GRK5: variants seen among roughly 807,000 people sequenced by gnomAD.
GRK5 encodes the protein g protein-coupled receptor kinase GRK5.
GRK5 carries 40 observed loss-of-function variants against 78.4 expected under a neutral mutation model. The ratio of observed to expected loss-of-function variants is 0.51; its 90% CI spans 0.40 to 0.66. GRK5 has a LOEUF of 0.66. GRK5 is among the 30% of genes least tolerant of loss of function. The pLI, the probability that GRK5 is intolerant of heterozygous loss-of-function variation, is 0.00. For synonymous variants in GRK5, 289 were observed against 296.8 expected (o/e 0.97, Z 0.27); for missense variants, 598 against 759.9 (o/e 0.79, Z 2.50).
chr10:119,443,421 T>G, intron 11 of GRK5, 123 bp from the exon 12 acceptor site: 1 of 773,288 alleles, frequency 1.3e-6, no homozygotes, highest in Non-Finnish European at 2.0e-6. Flanking sequence ...CTGGAGGGGG[T>G]GGTATTCACA....
At chr10:119,227,582 A>G (rs995666635) in intron 1 of GRK5, among the ~76,000 whole-genome samples, 5 of 152,118 alleles carry the variant, frequency 3.3e-5, no homozygotes, top group Non-Finnish European at 5.9e-5. Flanking sequence ...AACAACAACA[A>G]CAGCAGCAAC....
intron 3 of GRK5, among the ~76,000 whole-genome samples, chr10:119,383,061 A>G (rs1190266349): frequency 6.6e-6 from 1 of 151,970 alleles, no homozygotes; most frequent in African/African-American, 2.4e-5. Flanking sequence ...AGCTGGGCCT[A>G]CAGGCGCCCG....
chr10:119,407,145 C>T lies in GRK5; in HGVS notation c.339+10373C>T, dbSNP rs149967398. ...CTGGACTTCTCTTTTTCCTCCCTTC[C>T]GCTTCCCCTTCCCCTTCCCCAGGCT... On this transcript the variant is annotated intron_variant, in intron 4 of 15. Coordinates refer to ENST00000392870, the MANE Select transcript of GRK5 (RefSeq NM_005308.3). 2.0e-4 allele frequency among the ~76,000 whole-genome samples: 31 copies of T among 152,276 alleles called. No individual in the cohort carries two copies. The East Asian group carries it at 3.5e-3, about 17-fold the overall frequency.
At chr10:119,334,457 T>G (rs1850840714) in intron 2 of GRK5, 1 of 152,598 alleles carries the variant, frequency 6.6e-6, no homozygotes, top group African/African-American at 2.4e-5. Flanking sequence ...GTCTGCTCAG[T>G]GAAACATCAA....
At position 119,440,526 on chromosome 10, in the gene GRK5, C is replaced by T. The variant is rs560976176; in HGVS notation, c.967+758C>T. Among the ~76,000 whole-genome samples the T allele has an allele frequency of 1.5e-3, 229 of 150,614 alleles. 1 individual carries two copies. The highest frequency in any genetic ancestry group is 5.0e-3 in the African/African-American group (204 of 41,016). ...CCAAGTAGCTGGGATTACAGGTGCA[C>T]GCCACCACACCTGGCTAGTTTTTGT... On this transcript the variant is annotated intron_variant, in intron 10 of 15. Coordinates refer to ENST00000392870, the MANE Select transcript of GRK5 (RefSeq NM_005308.3).
chr10:119,396,748 T>C lies in GRK5; in HGVS notation c.315T>C (p.Ile105=). 2.5e-6 allele frequency: 4 copies of C among 1,613,660 alleles called. No homozygotes were observed. Among genetic ancestry groups the C allele is most frequent in the Non-Finnish European group, 3.4e-6 (4 of 1,179,548 alleles). ...DEKLGEKGKE[I]MTKYLTPKSP... ...AACTGGGAGAGAAAGGGAAGGAAAT[T>C]ATGACCAAGTACCTCACCCCAAAGG... Residue 105 remains isoleucine, a synonymous_variant, in exon 4 of 16, where the codon ATT becomes ATC. Transcript: ENST00000392870.
chr10:119,273,592 G>T (rs1482264007), intron 1 of GRK5, among the ~76,000 whole-genome samples: 1 of 152,306 alleles, frequency 6.6e-6, no homozygotes, highest in East Asian at 1.9e-4. Context: ...TGGATGGGCC[G>T]CGGCTTTGAC....
At chr10:119,252,428 G>T (rs1849219146) in intron 1 of GRK5, among the ~76,000 whole-genome samples, 1 of 152,194 alleles carries the variant, frequency 6.6e-6, no homozygotes, top group South Asian at 2.1e-4. Context: ...TAGGGGAGAA[G>T]TGTCTCTCTC....
At chr10:119,314,516 G>A (rs1850450041) in intron 1 of GRK5, among the ~76,000 whole-genome samples, 1 of 152,152 alleles carries the variant, frequency 6.6e-6, no homozygotes, top group African/African-American at 2.4e-5. Flanking sequence ...TCCCTCTCTT[G>A]CCTGCCACCT....
chr10:119,412,109 C>G lies in GRK5; in HGVS notation c.340-11057C>G, dbSNP rs1211853102. 6.6e-6 allele frequency among the ~76,000 whole-genome samples: 1 copy of G among 152,134 alleles called. No homozygotes were observed. The highest frequency in any genetic ancestry group is 1.5e-5 in the Non-Finnish European group (1 of 68,008). ...CAGGTGATCCACCTCCCTCGGCCTC[C>G]CAAAGTGCTGGGATTCCAGGCGTGA... On this transcript the variant is annotated intron_variant, in intron 4 of 15. Coordinates refer to ENST00000392870, the MANE Select transcript of GRK5 (RefSeq NM_005308.3). This position sits in a 1 kb window ranked among gnomAD's most constrained non-coding sequence, Gnocchi z 4.3.
intron 4 of GRK5, among the ~76,000 whole-genome samples, chr10:119,421,712 C>T (rs1351395869): frequency 6.6e-6 from 1 of 152,224 alleles, no homozygotes; most frequent in Non-Finnish European, 1.5e-5. Context: ...TTTACTGTCA[C>T]AGCAGCTCGC....
intron 1 of GRK5, among the ~76,000 whole-genome samples, chr10:119,276,879 T>C (rs915285616): frequency 7.9e-5 from 12 of 152,242 alleles, no homozygotes; most frequent in Non-Finnish European, 1.8e-4. Flanking sequence ...TCTAGGGCTC[T>C]TGTGTGAAAG....
chr10:119,396,856 A>G (rs2133854408), intron 4 of GRK5, 84 bp downstream of exon 4: 1 of 1,024,656 alleles, frequency 9.8e-7, no homozygotes, highest in Non-Finnish European at 1.5e-6. Context: ...GCCAGGCCAC[A>G]TGGGGAGCTG....
At chr10:119,246,012 T>A (rs1307923918) in intron 1 of GRK5, among the ~76,000 whole-genome samples, 1 of 91,234 alleles carries the variant, frequency 1.1e-5, no homozygotes, top group Non-Finnish European at 1.9e-5. Context: ...AGAGCGAGAC[T>A]CCATCTCAAA....
At chr10:119,374,459 CA>C (rs370376911) in intron 2 of GRK5, among the ~76,000 whole-genome samples, 322 of 152,288 alleles carry the variant, frequency 2.1e-3, no homozygotes, top group African/African-American at 7.3e-3. Context: ...GTGGTGAGGA[CA>C]GGGGCCCCTT....
chr10:119,250,820 T>A (rs1849187430), intron 1 of GRK5, among the ~76,000 whole-genome samples: 1 of 152,212 alleles, frequency 6.6e-6, no homozygotes, highest in Non-Finnish European at 1.5e-5. Flanking sequence ...TGTTACTATA[T>A]TTTTCATATC....
At chr10:119,441,959 G>A (rs1251152593) in intron 10 of GRK5, 40 bp from the exon 11 acceptor site, 15 of 1,548,952 alleles carry the variant, frequency 9.7e-6, no homozygotes, top group Middle Eastern at 1.7e-4. Flanking sequence ...GTGCCCATGC[G>A]GCTGTCCCAG....
chr10:119,318,405 A>G (rs1177644002), intron 1 of GRK5, among the ~76,000 whole-genome samples: 1 of 152,220 alleles, frequency 6.6e-6, no homozygotes, highest in Non-Finnish European at 1.5e-5. Flanking sequence ...CCATATAAGC[A>G]GTCCAGGGTC....
At chr10:119,283,733 A>T (rs1175613198) in intron 1 of GRK5, among the ~76,000 whole-genome samples, 3 of 152,214 alleles carry the variant, frequency 2.0e-5, no homozygotes, top group African/African-American at 7.2e-5. Context: ...AGATGGGACC[A>T]TGAGCCCCAC....
Sources: allele counts gnomAD v4.1 joint callset (sites outside exome capture counted in the v4.1 genomes callset), GRCh38; gene constraint gnomAD v4.1.1; non-coding constraint Gnocchi (gnomAD v3.1); transcripts MANE v1.5; gene names NCBI Gene and HGNC (gene_info 2026-07-23, HGNC 2026-07-21).